The following OSBPL3 variants were observed in gnomAD, a reference collection of about 807,000 sequenced individuals.
The protein encoded by OSBPL3 is oxysterol binding protein like 3.
OSBPL3 carries 65 observed loss-of-function variants against 120.1 expected under a neutral mutation model. That is an observed-to-expected ratio of 0.54 (90% confidence interval 0.44 to 0.67). The LOEUF (loss-of-function observed/expected upper bound fraction) is 0.67, where lower values mean the gene tolerates loss of function less well. OSBPL3 is among the 30% of genes least tolerant of loss of function. OSBPL3 has a pLI of 0.00. For missense variants in OSBPL3, 1,004 were observed against 1,082.1 expected, an observed-to-expected ratio of 0.93 and a Z score of 1.01; for synonymous variants, 416 against 402.6, an observed-to-expected ratio of 1.03 and a Z score of -0.40.
At chr7:24,923,061 G>A (rs1810593523) in intron 1 of OSBPL3, among the ~76,000 whole-genome samples, 1 of 152,182 alleles carries the variant, frequency 6.6e-6, no homozygotes, top group African/African-American at 2.4e-5. Flanking sequence ...CACAGAATCA[G>A]AGGTGGAACC....
At position 24,933,123 on chromosome 7, in the gene OSBPL3, C is replaced by T. The variant is rs764667964; in HGVS notation, c.-149-40502G>A. On this transcript the variant is annotated intron_variant, in intron 1 of 22. Transcript: ENST00000313367. This position sits in a 1 kb window ranked among gnomAD's most constrained non-coding sequence, Gnocchi z 5.1. Reference sequence around the variant, plus strand: ...AGTAATAACAGGCCACGCACGCAGACGCCTGCAGAACTGGGACCCAGCTGA... The same window carrying T: ...AGTAATAACAGGCCACGCACGCAGATGCCTGCAGAACTGGGACCCAGCTGA... Among the ~76,000 whole-genome samples, 11 of 152,196 alleles carry T rather than the reference C, an allele frequency of 7.2e-5. No homozygotes were observed. Among genetic ancestry groups the T allele is most frequent in the Non-Finnish European group, 1.5e-4 (10 of 68,030 alleles).
rs1816538677 is a variant in OSBPL3 at position 24,967,670 on chromosome 7, C to T, written c.-150+12216G>A. Among the ~76,000 whole-genome samples, 1 of 152,192 alleles carries T rather than the reference C, an allele frequency of 6.6e-6. No homozygotes were observed. Among genetic ancestry groups the T allele is most frequent in the South Asian group, 2.1e-4 (1 of 4,826 alleles). ...GTCCTCCAATCTTTGTGACTAGTTA[C>T]CCTTCCCCTACCTACCTCTTGGCTT... On this transcript the variant is annotated intron_variant, in intron 1 of 22. Coordinates refer to ENST00000313367, the MANE Select transcript of OSBPL3 (RefSeq NM_015550.4). The surrounding 1 kb of genome is among the most constrained non-coding windows in gnomAD (Gnocchi z 5.6).
intron 1 of OSBPL3, among the ~76,000 whole-genome samples, chr7:24,958,149 T>C (rs1483822453): frequency 1.3e-5 from 2 of 152,126 alleles, no homozygotes; most frequent in African/African-American, 4.8e-5. Flanking sequence ...GATTGCCAGA[T>C]TGTCCTCCAT....
rs907148686 is a variant in OSBPL3, at chr7:24,937,846, G to A, written c.-150+42040C>T. ...AACTATTTAATTTGAACAAATTTGTGAGTGTAGAAACGATATTCTTGTTCT... is the reference window on the plus strand; with the variant it reads ...AACTATTTAATTTGAACAAATTTGTAAGTGTAGAAACGATATTCTTGTTCT... On this transcript the variant is annotated intron_variant, in intron 1 of 22. Transcript: ENST00000313367. This position sits in a 1 kb window ranked among gnomAD's most constrained non-coding sequence, Gnocchi z 4.0. Among the ~76,000 whole-genome samples, 6 of 152,198 alleles carry A rather than the reference G, an allele frequency of 3.9e-5. No homozygotes were observed. The highest frequency in any genetic ancestry group is 1.2e-4 in the African/African-American group (5 of 41,442).
Position 24,849,987 on chromosome 7 carries a change from G to A in OSBPL3, c.1159-811C>T, listed in dbSNP as rs1798942769. Among the ~76,000 whole-genome samples the A allele has an allele frequency of 6.6e-6, 1 of 151,986 alleles. No individual in the cohort carries two copies. Among genetic ancestry groups the A allele is most frequent in the Non-Finnish European group, 1.5e-5 (1 of 67,982 alleles). On this transcript the variant is annotated intron_variant, in intron 11 of 22. Coordinates refer to ENST00000313367, the MANE Select transcript of OSBPL3 (RefSeq NM_015550.4). The surrounding 1 kb of genome is among the most constrained non-coding windows in gnomAD (Gnocchi z 5.4). ...AATAAAGAAAGTGTGCTGTGTGCTG[G>A]GAAGTAGGACTTTGTGAAAGATTAA...
intron 1 of OSBPL3, among the ~76,000 whole-genome samples, chr7:24,917,050 C>T (rs1809666231): frequency 6.6e-6 from 1 of 152,016 alleles, no homozygotes; most frequent in Non-Finnish European, 1.5e-5. Context: ...GGGCTGCACC[C>T]ATATTTGTAA....
chr7:24,895,449 T>G (rs2128353732), intron 1 of OSBPL3, among the ~76,000 whole-genome samples: 2 of 152,318 alleles, frequency 1.3e-5, no homozygotes, highest in East Asian at 3.9e-4. Context: ...GTATACTCTA[T>G]GATGTTCCCA....
Position 24,852,990 on chromosome 7 carries a change from A to G in OSBPL3, c.1028-356T>C, listed in dbSNP as rs1311476560. ...TTTGCTATGGACCTAAAACTGCTAG[A>G]AAAAATTAAGTCTATTAAAATTAAC... On this transcript the variant is annotated intron_variant, in intron 10 of 22. Coordinates refer to ENST00000313367, the MANE Select transcript of OSBPL3 (RefSeq NM_015550.4). The surrounding 1 kb of genome is among the most constrained non-coding windows in gnomAD (Gnocchi z 4.1). Among the ~76,000 whole-genome samples the G allele has an allele frequency of 6.6e-6, 1 of 152,192 alleles. No individual in the cohort carries two copies. Among genetic ancestry groups the G allele is most frequent in the Non-Finnish European group, 1.5e-5 (1 of 68,040 alleles).
At chr7:24,924,276 G>A (rs565545674) in intron 1 of OSBPL3, among the ~76,000 whole-genome samples, 3 of 152,282 alleles carry the variant, frequency 2.0e-5, no homozygotes, top group East Asian at 1.9e-4. Context: ...AGAAAATACC[G>A]AGGGAGATAA....
intron 1 of OSBPL3, among the ~76,000 whole-genome samples, chr7:24,960,035 C>A (rs115542566): frequency 6.6e-6 from 1 of 152,130 alleles, no homozygotes; most frequent in African/African-American, 2.4e-5. Context: ...ACCAAAATAG[C>A]TATTACTCTT....
In OSBPL3 at chr7:24,922,138, G is replaced by A. The variant is rs141795424; in HGVS notation, c.-149-29517C>T. The stretch of plus-strand genomic sequence containing the variant: ...TACTGTAAAGTAACTTACATACAGT[G>A]TGACGGGGATTAACAGGATTGGCCT... On this transcript the variant is annotated intron_variant, in intron 1 of 22. Transcript: ENST00000313367. The surrounding 1 kb of genome is among the most constrained non-coding windows in gnomAD (Gnocchi z 4.3). 8.6e-4 allele frequency among the ~76,000 whole-genome samples: 131 copies of A among 152,318 alleles called. 1 individual carries two copies. Among genetic ancestry groups the A allele is most frequent in the African/African-American group, 2.9e-3 (119 of 41,566 alleles).
chr7:24,832,820 C>T (rs557177160), intron 15 of OSBPL3, among the ~76,000 whole-genome samples: 1 of 152,248 alleles, frequency 6.6e-6, no homozygotes, highest in Admixed American at 6.5e-5. Flanking sequence ...GAGGGAGAGT[C>T]CAGGCAGGGG....
chr7:24,960,183 C>T lies in OSBPL3; in HGVS notation c.-150+19703G>A, dbSNP rs1292744723. ...AGACAAAGAGAGTGTGAGAGTACCA[C>T]AGGAGGAGTAATCAATGGCAACTGC... On this transcript the variant is annotated intron_variant, in intron 1 of 22. Transcript: ENST00000313367. Among the ~76,000 whole-genome samples the T allele has an allele frequency of 2.0e-5, 3 of 152,070 alleles. No homozygotes were observed. In the East Asian group the frequency reaches 5.8e-4, roughly 29 times the overall value.
intron 1 of OSBPL3, among the ~76,000 whole-genome samples, chr7:24,893,685 G>A (rs1230990680): frequency 7.0e-6 from 1 of 143,462 alleles, no homozygotes; most frequent in Non-Finnish European, 1.5e-5. Flanking sequence ...GGTAGTGGGT[G>A]CCTGTAATCC....
chr7:24,843,514 C>T (rs966877332), intron 12 of OSBPL3, among the ~76,000 whole-genome samples: 2 of 152,176 alleles, frequency 1.3e-5, no homozygotes, highest in African/African-American at 4.8e-5. Flanking sequence ...ATATACCCCT[C>T]AGTCTCATAG....
Position 24,872,558 on chromosome 7 carries a change from C to A in OSBPL3, c.97-489G>T, listed in dbSNP as rs76493131. The stretch of plus-strand genomic sequence containing the variant: ...AGACAATGCAAATCAGTAAATATGA[C>A]AACTTGATTGAAATAATTATTTTGT... On this transcript the variant is annotated intron_variant, in intron 2 of 22. Coordinates refer to ENST00000313367, the MANE Select transcript of OSBPL3 (RefSeq NM_015550.4). This position sits in a 1 kb window ranked among gnomAD's most constrained non-coding sequence, Gnocchi z 4.1. Among the ~76,000 whole-genome samples the A allele has an allele frequency of 5.6e-3, 847 of 151,552 alleles. 7 individuals are homozygous for A. The highest frequency in any genetic ancestry group is 0.018 in the African/African-American group (753 of 41,286).
intron 2 of OSBPL3, among the ~76,000 whole-genome samples, chr7:24,884,611 C>T (rs1368887987): frequency 2.0e-5 from 3 of 152,108 alleles, no homozygotes; most frequent in South Asian, 2.1e-4. Flanking sequence ...TAAGGGCTCC[C>T]GGGACTCCTC....
chr7:24,853,316 G>A (rs926093790), intron 10 of OSBPL3, among the ~76,000 whole-genome samples: 1 of 152,218 alleles, frequency 6.6e-6, no homozygotes, highest in African/African-American at 2.4e-5. Context: ...AAAATAGGCT[G>A]AAAAAGACAC....
rs1810035628 is a variant in OSBPL3 at position 24,918,794 on chromosome 7, T to C, written c.-149-26173A>G. Among the ~76,000 whole-genome samples the C allele has an allele frequency of 6.6e-6, 1 of 152,180 alleles. No homozygotes were observed. Among genetic ancestry groups the C allele is most frequent in the South Asian group, 2.1e-4 (1 of 4,832 alleles). The stretch of plus-strand genomic sequence containing the variant: ...TATGATGACCCTGGAGAAAATACTT[T>C]CTAAATGGAAGAAGAATGATTTTAA... On this transcript the variant is annotated intron_variant, in intron 1 of 22. Transcript: ENST00000313367. The surrounding 1 kb of genome is among the most constrained non-coding windows in gnomAD (Gnocchi z 4.3).
Sources: allele counts gnomAD v4.1 joint callset (sites outside exome capture counted in the v4.1 genomes callset), GRCh38; gene constraint gnomAD v4.1.1; non-coding constraint Gnocchi (gnomAD v3.1); transcripts MANE v1.5; gene names NCBI Gene and HGNC (gene_info 2026-07-23, HGNC 2026-07-21).